The following RILPL2 variants were observed in gnomAD, a reference collection of about 807,000 sequenced individuals.
RILPL2 encodes the protein Rab interacting lysosomal protein like 2, also known as RILP-like protein 2.
Under a neutral mutation model 22.2 loss-of-function variants are expected in RILPL2, and 19 were observed. The ratio of observed to expected loss-of-function variants is 0.86; its 90% CI spans 0.60 to 1.25. The LOEUF is 1.25. RILPL2 is among the 50% of genes most tolerant of loss of function. RILPL2 has a pLI of 0.00. For synonymous variants in RILPL2, 123 were observed against 111.6 expected (o/e 1.10, Z -0.64); for missense variants, 243 against 263.6 (o/e 0.92, Z 0.54).
downstream of RILPL2, chr12:123,412,677 C>T (rs2047066446): frequency 6.6e-6 from 1 of 152,174 alleles, no homozygotes; most frequent in South Asian, 2.1e-4. Flanking sequence ...GGGAGGACCC[C>T]AAGGACAATA....
chr12:123,417,864 C>T (rs574022109), intron 3 of RILPL2, among the ~76,000 whole-genome samples: 151 of 152,274 alleles, frequency 9.9e-4, no homozygotes, highest in Non-Finnish European at 1.6e-3. Flanking sequence ...GGATTACAGG[C>T]GTGAGCCACT....
intron 2 of RILPL2, among the ~76,000 whole-genome samples, chr12:123,429,292 GT>G (rs1879536453): frequency 6.6e-6 from 1 of 151,814 alleles, no homozygotes; most frequent in South Asian, 2.1e-4. Context: ...TTTTGTTTTT[GT>G]TTTTGTTTCG....
In RILPL2 at chr12:123,436,095, G is replaced by C; in HGVS notation, c.326C>G (p.Pro109Arg). The part of the protein sequence containing the change: ...EVEGLRRQSP[P>R]ASGEVNLGPN... ...TCCCACACTCACCTCCCCGCTGGCC[G>C]GAGGGCTCTGTCTCCGCAGCCCCTC... Residue 109 changes from proline (P) to arginine (R), a missense_variant, in exon 1 of 4, where the codon CCG (proline) becomes CGG (arginine). Coordinates refer to ENST00000280571, the MANE Select transcript of RILPL2 (RefSeq NM_145058.3). The surrounding 1 kb of genome is among the most constrained non-coding windows in gnomAD (Gnocchi z 6.7). The C allele has an allele frequency of 3.8e-6, 6 of 1,576,364 alleles. No individual in the cohort carries two copies. The highest frequency in any genetic ancestry group is 5.2e-6 in the Non-Finnish European group (6 of 1,161,342).
chr12:123,415,589 G>A lies in RILPL2; in HGVS notation c.*302C>T, dbSNP rs1662. The A allele has an allele frequency of 0.33, 158,989 of 484,402 alleles. 29,753 individuals carry two copies. Among genetic ancestry groups the A allele is most frequent in the Non-Finnish European group, 0.4 (107,251 of 266,938 alleles). 30.0% of individuals were successfully genotyped at this position (484,402 alleles called of 1,614,324 possible). On this transcript the variant is annotated 3_prime_UTR_variant, in exon 4 of 4. Coordinates refer to ENST00000280571, the MANE Select transcript of RILPL2 (RefSeq NM_145058.3). ...AGATGAGTAGGACACGCGTCTGCAC[G>A]CTGGAGGCCCTGGGGGTTGACATGG...
At chr12:123,428,028 A>T (rs1018672470) in intron 2 of RILPL2, among the ~76,000 whole-genome samples, 1 of 152,202 alleles carries the variant, frequency 6.6e-6, no homozygotes, top group Admixed American at 6.6e-5. Context: ...GTTCTCTGAG[A>T]ATTCAAAACT....
intron 3 of RILPL2, among the ~76,000 whole-genome samples, chr12:123,416,562 C>A (rs1225601685): frequency 1.3e-5 from 2 of 152,014 alleles, no homozygotes; most frequent in African/African-American, 4.8e-5. Context: ...ATGGCATAAA[C>A]CCGGGAGGCG....
Position 123,430,099 on chromosome 12 carries a change from C to CAAAAAAAA in RILPL2, c.491+401_491+408dup, listed in dbSNP as rs59871132. On this transcript the variant is annotated intron_variant, in intron 2 of 3. Transcript: ENST00000280571. ...CCACTGGGCGACAGGGTGAGACCCT[C>CAAAAAAAA]AAAAAAAAAAAAAAAAAAAAAAAAA... Among the ~76,000 whole-genome samples the CAAAAAAAA allele has an allele frequency of 1.1e-4, 2 of 18,788 alleles. 1 individual carries two copies. Among genetic ancestry groups the CAAAAAAAA allele is most frequent in the African/African-American group, 5.5e-4 (2 of 3,618 alleles). The allele number at this position is 18,788 out of a possible 152,430, so 12.3% of individuals were successfully genotyped here. A position where few individuals can be genotyped will look rare whatever the true frequency, so the allele number is the denominator to read the frequency against.
rs1006942681 is a variant in RILPL2, at chr12:123,415,635, C to G, written c.*256G>C. ...CATGGGAGCAGGAAGTGGACCCCCCCACCCTGCACATCCCTTCTGTTTTTC... is the reference window on the plus strand; with the variant it reads ...CATGGGAGCAGGAAGTGGACCCCCCGACCCTGCACATCCCTTCTGTTTTTC... On this transcript the variant is annotated 3_prime_UTR_variant, in exon 4 of 4. Transcript: ENST00000280571. 1.0e-5 allele frequency: 6 copies of G among 576,626 alleles called. No individual in the cohort carries two copies. Among genetic ancestry groups the G allele is most frequent in the South Asian group, 2.1e-5 (1 of 48,324 alleles). The allele number at this position is 576,626 out of a possible 1,614,324, so 35.7% of individuals were successfully genotyped here.
At chr12:123,433,946 C>G (rs1879718342) in intron 1 of RILPL2, among the ~76,000 whole-genome samples, 1 of 152,200 alleles carries the variant, frequency 6.6e-6, no homozygotes, top group African/African-American at 2.4e-5. Flanking sequence ...CACCTCTTAA[C>G]TTGCCGTGAA....
At position 123,428,876 on chromosome 12, in the gene RILPL2, A is replaced by G. The variant is rs867509361; in HGVS notation, c.491+1632T>C. ...TGGCACATGGCGAGTATCAATAAAT[A>G]CTAGCCAACACGACATTTTTATTGC... is the stretch of plus-strand genomic sequence containing the variant. On this transcript the variant is annotated intron_variant, in intron 2 of 3. Coordinates refer to ENST00000280571, the MANE Select transcript of RILPL2 (RefSeq NM_145058.3). 2.0e-5 allele frequency among the ~76,000 whole-genome samples: 3 copies of G among 152,324 alleles called. 1 individual carries two copies. The highest frequency in any genetic ancestry group is 7.2e-5 in the African/African-American group (3 of 41,586).
intron 3 of RILPL2, among the ~76,000 whole-genome samples, chr12:123,417,118 G>A (rs894970843): frequency 6.6e-6 from 1 of 151,968 alleles, no homozygotes; most frequent in African/African-American, 2.4e-5. Context: ...GAGAAACGTG[G>A]AGAAACCCCA....
chr12:123,411,628 G>A (rs1171427683), downstream of RILPL2: 1 of 130,860 alleles, frequency 7.6e-6, no homozygotes, highest in East Asian at 2.1e-4. Flanking sequence ...CATGAACTCA[G>A]CTCACTGCAA....
intron 3 of RILPL2, among the ~76,000 whole-genome samples, chr12:123,417,223 T>C (rs1458419535): frequency 6.7e-6 from 1 of 149,910 alleles, no homozygotes; most frequent in African/African-American, 2.5e-5. Context: ...CGCTTGAAAC[T>C]GGGAGGCGGA....
chr12:123,434,639 G>C (rs1219503786), intron 1 of RILPL2, among the ~76,000 whole-genome samples: 3 of 151,654 alleles, frequency 2.0e-5, no homozygotes, highest in Non-Finnish European at 4.4e-5. Context: ...TGTTGGCCAG[G>C]CTGGTCTCAA....
In RILPL2 at chr12:123,430,624, C is replaced by T. The variant is rs146137290; in HGVS notation, c.375G>A (p.Leu125=). 295 of 1,606,390 alleles carry T rather than the reference C, an allele frequency of 1.8e-4. 1 individual carries two copies. Among genetic ancestry groups the T allele is most frequent in the Admixed American group, 7.0e-4 (42 of 59,714 alleles). Residue 125 remains leucine (L), a synonymous_variant, in exon 2 of 4, where the codon CTG becomes CTA. Coordinates refer to ENST00000280571, the MANE Select transcript of RILPL2 (RefSeq NM_145058.3). ...TGAAGCGGGGTCGGTTGGGATCTGT[C>T]AGGTCAACCACCATTTTGTTTGGGC... ...NLGPNKMVVD[L]TDPNRPRFTL... is the part of the protein sequence containing the mutation.
intron 2 of RILPL2, among the ~76,000 whole-genome samples, chr12:123,426,525 GATCT>G (rs1879445824): frequency 6.6e-6 from 1 of 152,116 alleles, no homozygotes; most frequent in Non-Finnish European, 1.5e-5. Flanking sequence ...ATTTTTCCAT[GATCT>G]ATTATTACAT....
At chr12:123,418,458 T>G (rs1308620521) in intron 3 of RILPL2, among the ~76,000 whole-genome samples, 1 of 152,226 alleles carries the variant, frequency 6.6e-6, no homozygotes, top group Non-Finnish European at 1.5e-5. Context: ...CCTGTTAATA[T>G]ATTTCTTTAC....
intron 2 of RILPL2, among the ~76,000 whole-genome samples, chr12:123,429,627 GAC>G (rs1256182606): frequency 1.4e-5 from 2 of 144,132 alleles, no homozygotes; most frequent in African/African-American, 5.0e-5. Context: ...TTTTTTTTGA[GAC>G]ACAGTCTTGC....
chr12:123,428,267 G>C (rs1593492936), intron 2 of RILPL2, among the ~76,000 whole-genome samples: 1 of 152,110 alleles, frequency 6.6e-6, no homozygotes, highest in Non-Finnish European at 1.5e-5. Flanking sequence ...CTCCCAAGTA[G>C]CTGGGACTAC....
Sources: gnomAD v4.1 joint callset for allele counts (sites outside exome capture counted in the v4.1 genomes callset) on GRCh38, gnomAD v4.1.1 for gene constraint, Gnocchi (gnomAD v3.1) non-coding constraint, MANE v1.5 for transcripts, NCBI Gene and HGNC (gene_info 2026-07-23, HGNC 2026-07-21) for gene names.